PCDHA2: variants seen among roughly 807,000 people sequenced by gnomAD.
PCDHA2 encodes protocadherin alpha 2.
A neutral mutation model predicts 66.0 loss-of-function variants in PCDHA2; 58 were observed. The observed-to-expected ratio is 0.88, with a 90% CI of 0.71 to 1.09. The LOEUF (loss-of-function observed/expected upper bound fraction) is 1.09. Ranked by LOEUF, PCDHA2 falls within the 50% of genes least tolerant of loss-of-function variation. PCDHA2 has a pLI of 0.00. For synonymous variants in PCDHA2, 634 were observed against 554.0 expected, an observed-to-expected ratio of 1.14 and a Z score of -2.03; for missense variants, 1,267 against 1,242.3, an observed-to-expected ratio of 1.02 and a Z score of -0.30.
chr5:140,862,838 T>A (rs555167030), intron 1 of PCDHA2: 1 of 575,064 alleles, frequency 1.7e-6, no homozygotes, highest in South Asian at 1.4e-5. Flanking sequence ...GACGCGGGCA[T>A]GCCGCCTCTG....
chr5:140,871,525 A>T, intron 1 of PCDHA2: 1 of 1,546,090 alleles, frequency 6.5e-7, no homozygotes, highest in Non-Finnish European at 8.7e-7. Flanking sequence ...ACCTATCAGG[A>T]AGTGTATGTG....
intron 1 of PCDHA2, among the ~76,000 whole-genome samples, chr5:140,799,303 G>A (rs1340547965): frequency 6.6e-6 from 1 of 151,916 alleles, no homozygotes; most frequent in African/African-American, 2.4e-5. Flanking sequence ...TTTGCAATTA[G>A]TATAACTCTT....
intron 1 of PCDHA2, chr5:140,810,406 A>T (rs915741328): frequency 5.9e-5 from 9 of 152,166 alleles, no homozygotes; most frequent in African/African-American, 2.2e-4. Context: ...TGTAGCTAAC[A>T]CCAACCAATT....
At chr5:140,924,968 C>T (rs1376675912) in intron 1 of PCDHA2, among the ~76,000 whole-genome samples, 1 of 150,880 alleles carries the variant, frequency 6.6e-6, no homozygotes, top group Non-Finnish European at 1.5e-5. Context: ...AAGGTGAGTG[C>T]AGTGGCTCAT....
intron 1 of PCDHA2, among the ~76,000 whole-genome samples, chr5:140,924,224 T>A (rs1266072324): frequency 6.6e-6 from 1 of 152,220 alleles, no homozygotes; most frequent in Non-Finnish European, 1.5e-5. Context: ...TAAGTTCAAT[T>A]TTTATGGGCT....
At chr5:140,877,810 C>A (rs782370638) in intron 1 of PCDHA2, 9 of 1,610,248 alleles carry the variant, frequency 5.6e-6, no homozygotes, top group Non-Finnish European at 6.8e-6. Flanking sequence ...TCAGCTGTCT[C>A]GAGAAGATTG....
chr5:140,809,041 G>T, intron 1 of PCDHA2: 2 of 1,613,844 alleles, frequency 1.2e-6, no homozygotes, highest in Non-Finnish European at 1.7e-6. Context: ...CTGGTGGCGC[G>T]CGCATCCCGT....
At chr5:140,987,262 G>A (rs563934474) in intron 3 of PCDHA2, among the ~76,000 whole-genome samples, 1 of 151,978 alleles carries the variant, frequency 6.6e-6, no homozygotes, top group South Asian at 2.1e-4. Context: ...TCTCAGGAAT[G>A]GGACCCGGCA....
chr5:140,878,468 A>G (rs2057603759), intron 1 of PCDHA2, among the ~76,000 whole-genome samples: 1 of 152,188 alleles, frequency 6.6e-6, no homozygotes, highest in Non-Finnish European at 1.5e-5. Flanking sequence ...TAATAAAATC[A>G]TTTCTCAATT....
chr5:140,801,116 A>G, intron 1 of PCDHA2: 1 of 1,514,718 alleles, frequency 6.6e-7, no homozygotes, highest in East Asian at 2.3e-5. Flanking sequence ...CGAGGAGTTT[A>G]AGAAATGAAG....
At chr5:140,980,279 AAAAGTACC>A (rs1554241598) in intron 2 of PCDHA2, among the ~76,000 whole-genome samples, 2 of 152,236 alleles carry the variant, frequency 1.3e-5, no homozygotes, top group African/African-American at 4.8e-5. Flanking sequence ...CCAACTCTTG[AAAAGTACC>A]AAAGCTATGA....
intron 1 of PCDHA2, chr5:140,966,642 G>A (rs897727830): frequency 8.9e-7 from 1 of 1,117,790 alleles, no homozygotes; most frequent in East Asian, 3.1e-5. Flanking sequence ...GCGCTTTCTA[G>A]AGCGTGAGCG....
At position 140,796,097 on chromosome 5, in the gene PCDHA2, ACT is replaced by A. The variant is rs782264596; in HGVS notation, c.1136_1137del (p.Ser379TrpfsTer43). Reference sequence around the variant, plus strand: ...GCTCTCATCACGGTGTCGGATCGCGACTCTGGTACGAATGGACATGTCACCTG... The same window carrying A: ...GCTCTCATCACGGTGTCGGATCGCGACTGGTACGAATGGACATGTCACCTG... On this transcript the variant is annotated frameshift_variant, in exon 1 of 4. Coordinates refer to ENST00000526136, the MANE Select transcript of PCDHA2 (RefSeq NM_018905.3). LOFTEE classifies it high-confidence loss of function. The A allele has an allele frequency of 6.2e-7, 1 of 1,614,018 alleles. No individual in the cohort carries two copies. Among genetic ancestry groups the A allele is most frequent in the South Asian group, 1.1e-5 (1 of 91,072 alleles).
At chr5:140,843,948 A>G (rs1465306903) in intron 1 of PCDHA2, 4 of 562,382 alleles carry the variant, frequency 7.1e-6, no homozygotes, top group Non-Finnish European at 9.4e-6. Flanking sequence ...GATGATATCC[A>G]TTTTTTACTG....
chr5:140,976,054 G>A (rs1554237225), intron 1 of PCDHA2, among the ~76,000 whole-genome samples: 1 of 152,134 alleles, frequency 6.6e-6, no homozygotes, highest in African/African-American at 2.4e-5. Context: ...AATTGTGATA[G>A]TAATATATGT....
intron 1 of PCDHA2, chr5:140,858,421 G>A (rs782781172): frequency 1.3e-6 from 2 of 1,557,082 alleles, no homozygotes; most frequent in Non-Finnish European, 1.7e-6. Flanking sequence ...CTATTGGAGG[G>A]GACCACTCTA....
intron 1 of PCDHA2, chr5:140,802,385 G>A: frequency 6.2e-7 from 1 of 1,614,252 alleles, no homozygotes; most frequent in Non-Finnish European, 8.5e-7. Flanking sequence ...TCCCCTTCAA[G>A]CTGGTGTCCA....
At chr5:140,802,398 T>A (rs781823322) in intron 1 of PCDHA2, 2 of 1,614,238 alleles carry the variant, frequency 1.2e-6, no homozygotes. Flanking sequence ...GGTGTCCACC[T>A]TCAAGAATTA....
At chr5:140,882,920 G>C (rs2059362328) in intron 1 of PCDHA2, 1 of 1,614,090 alleles carries the variant, frequency 6.2e-7, no homozygotes. Flanking sequence ...CAGTGATGGA[G>C]GTAAACCCGA....
Sources: gnomAD v4.1 joint callset for allele counts (sites outside exome capture counted in the v4.1 genomes callset) on GRCh38, gnomAD v4.1.1 for gene constraint, MANE v1.5 for transcripts, NCBI Gene and HGNC (gene_info 2026-07-23, HGNC 2026-07-21) for gene names.